PATJ: variants seen among roughly 807,000 people sequenced by gnomAD.
PATJ encodes the protein PATJ crumbs cell polarity complex component, also known as inaD-like protein.
A neutral mutation model predicts 224.9 loss-of-function variants in PATJ; 190 were observed. The ratio of observed to expected loss-of-function variants is 0.84; its 90% CI spans 0.75 to 0.95. The LOEUF is 0.95. Among genes scored for constraint, PATJ ranks in the 40% least tolerant of loss-of-function variants. The probability of loss-of-function intolerance (pLI) is 0.00; values close to 1 mark genes in which losing one functional copy is unlikely to be tolerated. For missense variants in PATJ, 2,121 were observed against 2,270.3 expected, an observed-to-expected ratio of 0.93 and a Z score of 1.34; for synonymous variants, 769 against 820.3, an observed-to-expected ratio of 0.94 and a Z score of 1.07.
At chr1:61,994,661 TCTC>T (rs1181800433) in intron 28 of PATJ, among the ~76,000 whole-genome samples, 1 of 152,118 alleles carries the variant, frequency 6.6e-6, no homozygotes, top group African/African-American at 2.4e-5. Context: ...TTCAAGCAAT[TCTC>T]CTGCCTCAGC....
rs12036906 is a variant in PATJ at position 62,025,780 on chromosome 1, G to A, written c.3959+7833G>A. ...GGAGGTTGCAGTGAGCTGAGGTAGT[G>A]CCACTGCACTCCACCCTGGGTGACA... On this transcript the variant is annotated intron_variant, in intron 29 of 43. Coordinates refer to ENST00000642238, the MANE Select transcript of PATJ (RefSeq NM_001350145.3). 6.7e-4 allele frequency among the ~76,000 whole-genome samples: 102 copies of A among 152,312 alleles called. 1 individual carries two copies. In the East Asian group the frequency reaches 0.019, roughly 28 times the overall value.
chr1:61,957,607 G>C (rs548890849), intron 27 of PATJ, among the ~76,000 whole-genome samples: 1 of 152,200 alleles, frequency 6.6e-6, no homozygotes, highest in Non-Finnish European at 1.5e-5. Context: ...AAATAGGAAA[G>C]AGTAGAAGTT....
At chr1:61,742,882 G>A (rs2148108694) in intron 1 of PATJ, among the ~76,000 whole-genome samples, 1 of 151,868 alleles carries the variant, frequency 6.6e-6, no homozygotes, top group South Asian at 2.1e-4. Flanking sequence ...CGAGGCCGCG[G>A]GCAGGGAGGG....
rs114335015 is a variant in PATJ, at chr1:61,983,582, G to A, written c.3671-6586G>A. Among the ~76,000 whole-genome samples, 1,168 of 152,130 alleles carry A rather than the reference G, an allele frequency of 7.7e-3. 44 individuals carry two copies. The highest frequency in any genetic ancestry group is 0.027 in the African/African-American group (1,108 of 41,438). ...CTTTTAGATTTCCAATCACTTTTAT[G>A]TAGCATTGTTTGGAGCAATGTCAGA... is the stretch of plus-strand genomic sequence containing the variant. On this transcript the variant is annotated intron_variant, in intron 27 of 43. Coordinates refer to ENST00000642238, the MANE Select transcript of PATJ (RefSeq NM_001350145.3).
At chr1:62,128,605 G>C (rs192112945) in intron 40 of PATJ, 45 of 479,280 alleles carry the variant, frequency 9.4e-5, no homozygotes, top group Non-Finnish European at 1.0e-4. Flanking sequence ...TACAAAAATG[G>C]CCTACTGTGC....
intron 25 of PATJ, among the ~76,000 whole-genome samples, chr1:61,909,196 T>C (rs1571235752): frequency 6.6e-6 from 1 of 152,130 alleles, no homozygotes; most frequent in South Asian, 2.1e-4. Flanking sequence ...GCTAGGCTGG[T>C]CTCAAACTCC....
At chr1:61,775,129 G>T in intron 6 of PATJ, 77 bp from the exon 7 acceptor site, 1 of 1,393,196 alleles carries the variant, frequency 7.2e-7, no homozygotes, top group Non-Finnish European at 9.7e-7. Flanking sequence ...CTGTTACTTT[G>T]GTAATGATTG....
At chr1:62,002,709 C>CAA (rs766357883) in intron 28 of PATJ, among the ~76,000 whole-genome samples, 187 of 112,278 alleles carry the variant, frequency 1.7e-3, no homozygotes, top group Middle Eastern at 5.1e-3. Context: ...AACTCTGTCT[C>CAA]AAAAAAAAAA....
chr1:62,085,988 T>A (rs1369737740), intron 33 of PATJ, among the ~76,000 whole-genome samples: 2 of 152,098 alleles, frequency 1.3e-5, no homozygotes, highest in Non-Finnish European at 1.5e-5. Context: ...TTTATTTTTT[T>A]AAATAAATAG....
intron 18 of PATJ, among the ~76,000 whole-genome samples, chr1:61,858,443 G>A (rs1664044621): frequency 6.6e-6 from 1 of 152,054 alleles, no homozygotes; most frequent in African/African-American, 2.4e-5. Context: ...TGTATTTTTA[G>A]TAGAGACAGG....
In PATJ at chr1:62,106,156, G is replaced by GTATATA. The variant is rs1372747156; in HGVS notation, c.4378-2280_4378-2279insATATAT. 8.6e-3 allele frequency among the ~76,000 whole-genome samples: 473 copies of GTATATA among 54,830 alleles called. 37 individuals are homozygous for GTATATA. Among genetic ancestry groups the GTATATA allele is most frequent in the African/African-American group, 0.026 (419 of 16,318 alleles). 36.0% of individuals were successfully genotyped at this position (54,830 alleles called of 152,430 possible). ...TATACATGTGTATATGTGTGTGTGT[G>GTATATA]TGTATATATATATATATATATATAT... On this transcript the variant is annotated intron_variant, in intron 33 of 43. Coordinates refer to ENST00000642238, the MANE Select transcript of PATJ (RefSeq NM_001350145.3).
intron 41 of PATJ, among the ~76,000 whole-genome samples, chr1:62,147,435 G>A (rs958594860): frequency 2.6e-5 from 4 of 152,120 alleles, no homozygotes; most frequent in Non-Finnish European, 4.4e-5. Flanking sequence ...CGAGACGGGC[G>A]GATCACTTGA....
chr1:61,861,076 T>TA (rs1664460469), intron 18 of PATJ, among the ~76,000 whole-genome samples: 1 of 151,258 alleles, frequency 6.6e-6, no homozygotes, highest in African/African-American at 2.4e-5. Context: ...CATAGTTATA[T>TA]ATACAAGGTC....
At chr1:62,125,256 A>AAC (rs1358320868) in intron 39 of PATJ, among the ~76,000 whole-genome samples, 15 of 111,308 alleles carry the variant, frequency 1.3e-4, no homozygotes, top group Admixed American at 5.7e-4. Context: ...AAAAAAAACA[A>AAC]AAAAAAACAA....
intron 21 of PATJ, 98 bp from the exon 22 acceptor site, chr1:61,884,139 G>A: frequency 1.4e-6 from 1 of 730,630 alleles, no homozygotes; most frequent in Non-Finnish European, 2.2e-6. Flanking sequence ...CTACCTGGAA[G>A]AGTCCCCTCC....
intron 42 of PATJ, among the ~76,000 whole-genome samples, chr1:62,153,056 A>G (rs2149046653): frequency 6.6e-6 from 1 of 152,300 alleles, no homozygotes; most frequent in Middle Eastern, 3.4e-3. Flanking sequence ...AAAAGAGTTA[A>G]AAACTAAGCA....
At chr1:61,993,998 A>G (rs995799313) in intron 28 of PATJ, among the ~76,000 whole-genome samples, 5 of 152,206 alleles carry the variant, frequency 3.3e-5, no homozygotes, top group African/African-American at 1.2e-4. Flanking sequence ...GAGCAAAAAG[A>G]TTAAACATAC....
At chr1:61,901,764 C>T (rs1323701108) in intron 24 of PATJ, among the ~76,000 whole-genome samples, 1 of 152,170 alleles carries the variant, frequency 6.6e-6, no homozygotes, top group Non-Finnish European at 1.5e-5. Context: ...CATTCTTTAA[C>T]AAGCTCTAAA....
intron 26 of PATJ, among the ~76,000 whole-genome samples, chr1:61,926,305 G>A (rs1005292346): frequency 2.4e-4 from 36 of 152,242 alleles, no homozygotes; most frequent in Admixed American, 2.2e-3. Flanking sequence ...AGACTATAAG[G>A]AGACCAGGAC....
Sources: allele counts gnomAD v4.1 joint callset (sites outside exome capture counted in the v4.1 genomes callset), GRCh38; gene constraint gnomAD v4.1.1; transcripts MANE v1.5; gene names NCBI Gene and HGNC (gene_info 2026-07-23, HGNC 2026-07-21).